The following C1GALT1 variants were observed in gnomAD, a reference collection of about 807,000 sequenced individuals.
The protein encoded by C1GALT1 is glycoprotein-N-acetylgalactosamine 3-beta-galactosyltransferase 1.
Under a neutral mutation model 31.0 loss-of-function variants are expected in C1GALT1, and 11 were observed. The ratio of observed to expected loss-of-function variants is 0.36; its 90% confidence interval spans 0.22 to 0.59. C1GALT1 has a LOEUF of 0.59. Among genes scored for constraint, C1GALT1 ranks in the 20% least tolerant of loss-of-function variants. C1GALT1 has a pLI of 0.79. For synonymous variants in C1GALT1, 175 were observed against 143.6 expected (o/e 1.22, Z -1.56); for missense variants, 424 against 425.2 (o/e 1.00, Z 0.03).
intron 1 of C1GALT1, among the ~76,000 whole-genome samples, chr7:7,215,140 A>T (rs1782176865): frequency 6.6e-6 from 1 of 152,184 alleles, no homozygotes. Flanking sequence ...CAAGGACGTG[A>T]AACAAGATGG....
intron 1 of C1GALT1, among the ~76,000 whole-genome samples, chr7:7,202,830 C>G (rs545394420): frequency 6.6e-6 from 1 of 152,220 alleles, no homozygotes; most frequent in Admixed American, 6.5e-5. Flanking sequence ...GACATCTTAA[C>G]AATATTAAGT....
intron 3 of C1GALT1, 113 bp from the exon 4 acceptor site, chr7:7,243,411 C>A: frequency 2.3e-6 from 2 of 854,054 alleles, no homozygotes; most frequent in Non-Finnish European, 1.8e-6. Context: ...CTTTACCTTG[C>A]CATCTTTAAT....
At chr7:7,180,369 A>G (rs1216182787), upstream of C1GALT1, among the ~76,000 whole-genome samples, 1 of 152,260 alleles carries the variant, frequency 6.6e-6, no homozygotes, top group Non-Finnish European at 1.5e-5. Context: ...AAGCCTATGG[A>G]TAAGAATGTT....
chr7:7,232,609 T>G (rs1212300595), intron 1 of C1GALT1, among the ~76,000 whole-genome samples: 1 of 151,978 alleles, frequency 6.6e-6, no homozygotes, highest in Non-Finnish European at 1.5e-5. Context: ...TTTGCCTCAG[T>G]CTCCCAGGTA....
Position 7,234,471 on chromosome 7 carries a change from C to T in C1GALT1, c.152C>T (p.Ser51Leu), listed in dbSNP as rs892360639. The change falls in exon 2 of 4, where the codon TCA becomes TTA. Residue 51 changes from serine (S) to leucine (L), a missense_variant. This residue lies in a region of C1GALT1 where 189 missense variants were observed against 158.2 expected (regional missense o/e 1.19). Transcript: ENST00000436587. Reference sequence around the variant, plus strand: ...CATAATGATCCTCATGCAAGGCATTCAGATGATAATGGACAGAATCATCTA... The same window carrying T: ...CATAATGATCCTCATGCAAGGCATTTAGATGATAATGGACAGAATCATCTA... Reference protein sequence around the residue: ...VLHNDPHARHSDDNGQNHLEG... With the variant: ...VLHNDPHARHLDDNGQNHLEG... 6.2e-7 allele frequency: 1 copy of T among 1,613,766 alleles called. No homozygotes were observed. Among genetic ancestry groups the T allele is most frequent in the African/African-American group, 1.3e-5 (1 of 74,896 alleles).
At chr7:7,221,724 A>G (rs998302474) in intron 1 of C1GALT1, among the ~76,000 whole-genome samples, 2 of 152,138 alleles carry the variant, frequency 1.3e-5, no homozygotes, top group African/African-American at 4.8e-5. Flanking sequence ...CAAAACTTAA[A>G]CTGTAGCAGA....
chr7:7,221,733 G>T (rs894380058), intron 1 of C1GALT1, among the ~76,000 whole-genome samples: 9 of 152,228 alleles, frequency 5.9e-5, no homozygotes, highest in African/African-American at 2.2e-4. Context: ...AACTGTAGCA[G>T]ATGATGCCAG....
At chr7:7,182,256 T>C (rs2128228425), upstream of C1GALT1, among the ~76,000 whole-genome samples, 1 of 152,296 alleles carries the variant, frequency 6.6e-6, no homozygotes, top group East Asian at 1.9e-4. Context: ...AGCATCCCCT[T>C]TCTCGCTCCC....
intron 2 of C1GALT1, among the ~76,000 whole-genome samples, chr7:7,163,155 A>G (rs1004389222): frequency 3.9e-5 from 6 of 152,078 alleles, no homozygotes; most frequent in Non-Finnish European, 7.4e-5. Flanking sequence ...TTCTGTTGCC[A>G]TTGCTTTTGG....
At chr7:7,230,554 G>A (rs1040571409) in intron 1 of C1GALT1, among the ~76,000 whole-genome samples, 1 of 146,788 alleles carries the variant, frequency 6.8e-6, no homozygotes, top group African/African-American at 2.5e-5. Context: ...TATAATCATT[G>A]ATATGTTTGG....
At chr7:7,232,649 CT>C (rs1358734964) in intron 1 of C1GALT1, among the ~76,000 whole-genome samples, 2 of 152,128 alleles carry the variant, frequency 1.3e-5, no homozygotes, top group East Asian at 3.9e-4. Context: ...ACCACAACGC[CT>C]GGCTAATTTT....
intron 1 of C1GALT1, among the ~76,000 whole-genome samples, chr7:7,191,878 T>C (rs751692528): frequency 1.3e-5 from 2 of 152,120 alleles, no homozygotes; most frequent in African/African-American, 4.8e-5. Flanking sequence ...TAATCTCTTA[T>C]CAGATAATAC....
chr7:7,183,221 T>C (rs865992476), intron 1 of C1GALT1, among the ~76,000 whole-genome samples: 69 of 147,186 alleles, frequency 4.7e-4, no homozygotes, highest in Non-Finnish European at 8.2e-4. Flanking sequence ...TCCCAGTCCC[T>C]CCTCCCGGGC....
chr7:7,218,248 A>G (rs754890557), intron 1 of C1GALT1, among the ~76,000 whole-genome samples: 3 of 152,240 alleles, frequency 2.0e-5, no homozygotes, highest in Admixed American at 6.5e-5. Context: ...GAAGTCTTGG[A>G]GAAAGGCTCA....
At chr7:7,186,017 A>T (rs1291302274) in intron 1 of C1GALT1, among the ~76,000 whole-genome samples, 1 of 149,918 alleles carries the variant, frequency 6.7e-6, no homozygotes, top group Non-Finnish European at 1.5e-5. Context: ...TACAGTTAGG[A>T]AGGCTGAAAA....
At chr7:7,160,787 G>C (rs539109481) in intron 2 of C1GALT1, among the ~76,000 whole-genome samples, 1 of 152,024 alleles carries the variant, frequency 6.6e-6, no homozygotes. Flanking sequence ...CCAGTCCCCA[G>C]GACTAATGTT....
At chr7:7,227,333 A>G (rs1782811564) in intron 1 of C1GALT1, among the ~76,000 whole-genome samples, 1 of 152,232 alleles carries the variant, frequency 6.6e-6, no homozygotes, top group Non-Finnish European at 1.5e-5. Context: ...TGATTGGTTT[A>G]TGAGACAGAC....
intron 1 of C1GALT1, among the ~76,000 whole-genome samples, chr7:7,223,724 C>G (rs191169648): frequency 6.6e-6 from 1 of 152,174 alleles, no homozygotes; most frequent in African/African-American, 2.4e-5. Flanking sequence ...TTCATTTTTT[C>G]CATTACAATC....
upstream of C1GALT1, chr7:7,177,910 G>A (rs962544880): frequency 2.9e-5 from 5 of 171,868 alleles, no homozygotes; most frequent in East Asian, 6.4e-4. Context: ...TAGTGGATAG[G>A]GAAATTGAGA....
Sources: allele counts gnomAD v4.1 joint callset (sites outside exome capture counted in the v4.1 genomes callset), GRCh38; gene constraint gnomAD v4.1.1; regional missense constraint gnomAD v4.1.1; transcripts MANE v1.5; gene names NCBI Gene and HGNC (gene_info 2026-07-23, HGNC 2026-07-21).